Variants in WBP4 observed in about 807,000 individuals in gnomAD.
WBP4 encodes the protein WW domain-binding protein 4.
WBP4 carries 37 observed loss-of-function variants against 55.4 expected under a neutral mutation model. The observed-to-expected ratio is 0.67, with a 90% CI of 0.51 to 0.88. The LOEUF (loss-of-function observed/expected upper bound fraction) is 0.88, where lower values mean the gene tolerates loss of function less well. Ranked by LOEUF, WBP4 falls within the 40% of genes least tolerant of loss-of-function variation. The pLI, the probability that WBP4 is intolerant of heterozygous loss-of-function variation, is 0.00. For synonymous variants in WBP4, 142 were observed against 140.2 expected (o/e 1.01, Z -0.09); for missense variants, 398 against 420.8 (o/e 0.95, Z 0.47).
chr13:41,080,618 G>T (rs1416234354), intron 8 of WBP4, 28 bp from the exon 9 acceptor site: 1 of 1,551,812 alleles, frequency 6.4e-7, no homozygotes, highest in East Asian at 2.3e-5. Flanking sequence ...TGCTTGAACT[G>T]TATTATTTCT....
chr13:41,066,535 T>G (rs2138463090), intron 4 of WBP4, among the ~76,000 whole-genome samples: 1 of 152,318 alleles, frequency 6.6e-6, no homozygotes, highest in South Asian at 2.1e-4. Flanking sequence ...CATTTTTATA[T>G]GGTAGGAGCA....
intron 5 of WBP4, among the ~76,000 whole-genome samples, chr13:41,071,297 T>A (rs1878234750): frequency 6.6e-6 from 1 of 152,262 alleles, no homozygotes; most frequent in African/African-American, 2.4e-5. Context: ...CCTGTGGAAG[T>A]TCCAGTAACT....
chr13:41,062,770 C>A, intron 2 of WBP4, 54 bp downstream of exon 2: 1 of 1,513,438 alleles, frequency 6.6e-7, no homozygotes. Context: ...GAATGAAGTG[C>A]TCCTTTTTGA....
Position 41,061,559 on chromosome 13 carries a change from G to T in WBP4, c.-115G>T, listed in dbSNP as rs1456941099. 2.0e-5 allele frequency: 30 copies of T among 1,525,662 alleles called. No homozygotes were observed. The highest frequency in any genetic ancestry group is 2.5e-5 in the Non-Finnish European group (28 of 1,107,822). The allele number at this position is 1,525,662 out of a possible 1,614,324, so 94.5% of individuals were successfully genotyped here. On this transcript the variant is annotated 5_prime_UTR_variant, in exon 1 of 10. Coordinates refer to ENST00000379487, the MANE Select transcript of WBP4 (RefSeq NM_007187.5). ...TCCCGGGGACTGAGTAAGGTGTCTGGATCGGAGGGAGGTTCGGGTGGGCAT... is the reference window on the plus strand; with the variant it reads ...TCCCGGGGACTGAGTAAGGTGTCTGTATCGGAGGGAGGTTCGGGTGGGCAT...
chr13:41,069,055 T>G (rs1424398164), intron 5 of WBP4, among the ~76,000 whole-genome samples: 1 of 152,230 alleles, frequency 6.6e-6, no homozygotes, highest in African/African-American at 2.4e-5. Flanking sequence ...AAATAAGGAA[T>G]TTCAAATCCA....
chr13:41,062,368 T>C, intron 1 of WBP4: 10 of 878,754 alleles, frequency 1.1e-5, no homozygotes, highest in Non-Finnish European at 1.2e-5. Context: ...TTCCTTAGTT[T>C]TTCATAACGA....
rs1325177434 is a variant in WBP4, at chr13:41,072,787, A to C, written c.492A>C (p.Ala164=). The C allele has an allele frequency of 1.9e-6, 3 of 1,613,534 alleles. No homozygotes were observed. Among genetic ancestry groups the C allele is most frequent in the Non-Finnish European group, 1.7e-6 (2 of 1,179,738 alleles). Residue 164 remains alanine, a synonymous_variant, in exon 7 of 10, where the codon GCA becomes GCC. Transcript: ENST00000379487. ...GGTTTTTTTCCTCCTATTAGACAGC[A>C]GTGAAGACCGTTTGGGTAGAAGGTT... The part of the protein sequence containing the change: ...EGFQGDLKKT[A]VKTVWVEGLS...
chr13:41,076,110 A>G lies in WBP4; in HGVS notation c.629A>G (p.Asn210Ser), dbSNP rs759486990. The G allele has an allele frequency of 2.4e-5, 39 of 1,613,626 alleles. No individual in the cohort carries two copies. The highest frequency in any genetic ancestry group is 2.9e-5 in the Non-Finnish European group (34 of 1,179,968). The part of the protein sequence containing the change: ...HTSDLPSSKV[N>S]ENSLGTLDES... ...AGTGATCTGCCTTCTAGTAAGGTCA[A>G]TGAAAATTCACTTGGCACCCTAGAT... Residue 210 changes from asparagine (N) to serine (S), a missense_variant, in exon 8 of 10, where the codon AAT becomes AGT. Transcript: ENST00000379487.
intron 8 of WBP4, 29 bp from the exon 9 acceptor site, chr13:41,080,617 T>C (rs759929883): frequency 6.5e-7 from 1 of 1,543,382 alleles, no homozygotes; most frequent in East Asian, 2.3e-5. Flanking sequence ...TTGCTTGAAC[T>C]GTATTATTTC....
intron 4 of WBP4, among the ~76,000 whole-genome samples, chr13:41,068,324 A>C (rs1878069252): frequency 6.6e-6 from 1 of 152,066 alleles, no homozygotes; most frequent in South Asian, 2.1e-4. Context: ...CTGTTTTTTT[A>C]ACCCATAGTT....
intron 1 of WBP4, chr13:41,062,164 T>C: frequency 1.0e-6 from 1 of 967,006 alleles, no homozygotes; most frequent in Non-Finnish European, 1.2e-6. Context: ...TCCAGTTCTC[T>C]CTTGCCTTGA....
rs139076408 is a variant in WBP4 at position 41,083,354 on chromosome 13, G to T, written c.*440G>T. The T allele has an allele frequency of 3.1e-5, 5 of 161,704 alleles. No individual in the cohort carries two copies. The highest frequency in any genetic ancestry group is 1.2e-4 in the African/African-American group (5 of 41,596). The allele number at this position is 161,704 out of a possible 1,614,324, so 10.0% of individuals were successfully genotyped here. On this transcript the variant is annotated 3_prime_UTR_variant, in exon 10 of 10. Transcript: ENST00000379487. ...AGCCCAGTGATGATTTGGTTCTGAG[G>T]CTGATGTGAGAAAGCTGATGTAAAA...
In WBP4 at chr13:41,065,301, A is replaced by G. The variant is rs755883274; in HGVS notation, c.262+14A>G. ...GCTTAGAGTCAGGTAAAAAAAAAAA[A>G]AAAAAAAAAGCAGCCAGCATGTTTT... On this transcript the variant is annotated intron_variant, in intron 4 of 9. Transcript: ENST00000379487. 6.4e-6 allele frequency: 10 copies of G among 1,564,748 alleles called. No homozygotes were observed. Among genetic ancestry groups the G allele is most frequent in the Non-Finnish European group, 8.6e-6 (10 of 1,165,592 alleles).
intron 9 of WBP4, among the ~76,000 whole-genome samples, chr13:41,082,497 T>A (rs1411871999): frequency 6.6e-6 from 1 of 152,126 alleles, no homozygotes; most frequent in Non-Finnish European, 1.5e-5. Context: ...AGGAATAAAT[T>A]AATACATAGA....
intron 7 of WBP4, among the ~76,000 whole-genome samples, chr13:41,074,092 A>G (rs568501898): frequency 6.6e-6 from 1 of 151,808 alleles, no homozygotes; most frequent in South Asian, 2.1e-4. Context: ...CCACTTCGCC[A>G]GGCTAATTTT....
intron 7 of WBP4, among the ~76,000 whole-genome samples, chr13:41,075,367 G>T (rs1219387745): frequency 1.3e-5 from 2 of 152,060 alleles, no homozygotes; most frequent in African/African-American, 4.8e-5. Flanking sequence ...TTCACTCCAT[G>T]AAAATCTTAG....
chr13:41,072,712 A>G (rs935556795), intron 6 of WBP4, 70 bp from the exon 7 acceptor site: 93 of 1,406,174 alleles, frequency 6.6e-5, no homozygotes, highest in Middle Eastern at 1.8e-4. Context: ...AGGGTGGCTG[A>G]CTGTCTGAGT....
Position 41,082,714 on chromosome 13 carries a change from G to A in WBP4, c.931G>A (p.Asp311Asn). The change falls in exon 10 of 10, where the codon GAT (aspartate) becomes AAT (asparagine). Residue 311 changes from aspartate (D) to asparagine (N), a missense_variant. Asp to Asn is a conservative substitution (Grantham distance 23). Coordinates refer to ENST00000379487, the MANE Select transcript of WBP4 (RefSeq NM_007187.5). ...TAACTCTATTTCCAGTGAGGAGGTA[G>A]ATTTGGAACTTCCAAGCACTGAAAA... is the stretch of plus-strand genomic sequence containing the variant. ...KQEVESHEEV[D>N]LELPSTENEY... is the part of the protein sequence containing the mutation. 6.2e-7 allele frequency: 1 copy of A among 1,613,994 alleles called. No homozygotes were observed. Among genetic ancestry groups the A allele is most frequent in the African/African-American group, 1.3e-5 (1 of 75,032 alleles).
In WBP4 at chr13:41,061,536, C is replaced by T. The variant is rs1877633697; in HGVS notation, c.-138C>T. On this transcript the variant is annotated 5_prime_UTR_variant, in exon 1 of 10. Coordinates refer to ENST00000379487, the MANE Select transcript of WBP4 (RefSeq NM_007187.5). ...AGTTGGGAACAGCGGAACGCTGGTC[C>T]CGGGGACTGAGTAAGGTGTCTGGAT... 3 of 1,383,776 alleles carry T rather than the reference C, an allele frequency of 2.2e-6. No individual in the cohort carries two copies. Among genetic ancestry groups the T allele is most frequent in the Non-Finnish European group, 2.0e-6 (2 of 992,500 alleles). The allele number at this position is 1,383,776 out of a possible 1,614,324, so 85.7% of individuals were successfully genotyped here.
Sources: allele counts gnomAD v4.1 joint callset (sites outside exome capture counted in the v4.1 genomes callset), GRCh38; gene constraint gnomAD v4.1.1; transcripts MANE v1.5; gene names NCBI Gene and HGNC (gene_info 2026-07-23, HGNC 2026-07-21).